The following ANGPT1 variants were observed in gnomAD, a reference collection of about 807,000 sequenced individuals.
ANGPT1 encodes angiopoietin-1.
Under a neutral mutation model 62.2 loss-of-function variants are expected in ANGPT1, and 17 were observed. The ratio of observed to expected loss-of-function variants is 0.27; its 90% CI spans 0.19 to 0.41. The LOEUF is 0.41. Ranked by LOEUF, ANGPT1 falls within the 10% of genes least tolerant of loss-of-function variation. ANGPT1 has a pLI of 1.00. For missense variants in ANGPT1, 478 were observed against 594.9 expected (o/e 0.80, Z 2.04); for synonymous variants, 199 against 198.9 (o/e 1.00, Z 0.00).
chr8:107,326,041 A>C (rs945558585), intron 3 of ANGPT1, among the ~76,000 whole-genome samples: 2 of 152,198 alleles, frequency 1.3e-5, no homozygotes, highest in African/African-American at 4.8e-5. Flanking sequence ...AACGCACATT[A>C]GCACGTTAGA....
intron 8 of ANGPT1, among the ~76,000 whole-genome samples, chr8:107,262,746 G>A (rs182326201): frequency 2.6e-5 from 4 of 152,320 alleles, no homozygotes; most frequent in Admixed American, 6.5e-5. Context: ...CACTAAAACT[G>A]TGAGAGGAGA....
At position 107,369,449 on chromosome 8, in the gene ANGPT1, T is replaced by C. The variant is rs548470234; in HGVS notation, c.298-22352A>G. Among the ~76,000 whole-genome samples the C allele has an allele frequency of 2.6e-5, 4 of 152,338 alleles. No individual in the cohort carries two copies. In the South Asian group the frequency reaches 6.2e-4, roughly 24 times the overall value. On this transcript the variant is annotated intron_variant, in intron 1 of 8. Coordinates refer to ENST00000517746, the MANE Select transcript of ANGPT1 (RefSeq NM_001146.5). Reference sequence around the variant, plus strand: ...ATTTTGTTTTCTTAACATTTGTGTATTCACTGGAATAGTATTTTAATTTCC... The same window carrying C: ...ATTTTGTTTTCTTAACATTTGTGTACTCACTGGAATAGTATTTTAATTTCC...
chr8:107,412,546 C>T (rs1436220646), intron 1 of ANGPT1, among the ~76,000 whole-genome samples: 1 of 151,882 alleles, frequency 6.6e-6, no homozygotes, highest in Non-Finnish European at 1.5e-5. Flanking sequence ...TGTATACATT[C>T]AAAAGAAATT....
At chr8:107,395,170 A>G (rs1816911461) in intron 1 of ANGPT1, among the ~76,000 whole-genome samples, 1 of 152,144 alleles carries the variant, frequency 6.6e-6, no homozygotes, top group Non-Finnish European at 1.5e-5. Context: ...CCATGTCTTC[A>G]TTGAGTACTT....
chr8:107,443,530 C>T (rs940754387), intron 1 of ANGPT1, among the ~76,000 whole-genome samples: 1 of 151,718 alleles, frequency 6.6e-6, no homozygotes, highest in Non-Finnish European at 1.5e-5. Flanking sequence ...GTATACCGGC[C>T]GGGTGCGGTG....
chr8:107,491,903 A>G (rs1812967928), intron 1 of ANGPT1, among the ~76,000 whole-genome samples: 2 of 152,194 alleles, frequency 1.3e-5, no homozygotes, highest in South Asian at 4.1e-4. Flanking sequence ...TGGTACAGTC[A>G]GGGGTAAGGA....
At chr8:107,432,743 A>C (rs539852842) in intron 1 of ANGPT1, among the ~76,000 whole-genome samples, 1 of 152,160 alleles carries the variant, frequency 6.6e-6, no homozygotes, top group South Asian at 2.1e-4. Context: ...AATGTATTAG[A>C]TATCTGATAA....
intron 1 of ANGPT1, among the ~76,000 whole-genome samples, chr8:107,474,204 C>T (rs1470005873): frequency 1.1e-5 from 1 of 88,224 alleles, no homozygotes; most frequent in South Asian, 3.1e-4. Context: ...TACTGGCAAA[C>T]CGAATCCAGC....
chr8:107,357,191 C>A (rs926579694), intron 1 of ANGPT1, among the ~76,000 whole-genome samples: 1 of 152,132 alleles, frequency 6.6e-6, no homozygotes, highest in Non-Finnish European at 1.5e-5. Flanking sequence ...TCAGAAAATG[C>A]CCATTAATCT....
chr8:107,282,368 C>T (rs1485630575), intron 7 of ANGPT1, among the ~76,000 whole-genome samples: 1 of 150,994 alleles, frequency 6.6e-6, no homozygotes. Flanking sequence ...TTAGACATCC[C>T]TTATTTAAGT....
At chr8:107,429,273 C>T (rs546343340) in intron 1 of ANGPT1, among the ~76,000 whole-genome samples, 1 of 152,262 alleles carries the variant, frequency 6.6e-6, no homozygotes, top group African/African-American at 2.4e-5. Context: ...GTGAGGCACT[C>T]ATAAGATGAG....
intron 1 of ANGPT1, among the ~76,000 whole-genome samples, chr8:107,443,795 G>A (rs1474007611): frequency 6.8e-6 from 1 of 147,692 alleles, no homozygotes; most frequent in East Asian, 2.0e-4. Context: ...CTCCAGCCTG[G>A]GCAACAAGAG....
intron 1 of ANGPT1, among the ~76,000 whole-genome samples, chr8:107,388,689 TC>T (rs1415317683): frequency 3.9e-5 from 6 of 152,106 alleles, no homozygotes; most frequent in Non-Finnish European, 8.8e-5. Flanking sequence ...CACCCGTGAA[TC>T]TGTAAAGAGA....
At position 107,346,899 on chromosome 8, in the gene ANGPT1, A is replaced by T. The variant is rs372578603; in HGVS notation, c.453+43T>A. 8.2e-5 allele frequency: 126 copies of T among 1,534,340 alleles called. 1 individual carries two copies. In the African/African-American group the frequency reaches 9.9e-4, roughly 12 times the overall value. ...ATGGAGAAAGCTAAAGAAAAAAAAA[A>T]TTTTTCCTTGTTGAGTCTGTGGACT... is the stretch of plus-strand genomic sequence containing the variant. On this transcript the variant is annotated intron_variant, in intron 2 of 8. Transcript: ENST00000517746.
At chr8:107,311,983 GAA>G in intron 4 of ANGPT1, among the ~76,000 whole-genome samples, 1 of 149,994 alleles carries the variant, frequency 6.7e-6, no homozygotes, top group East Asian at 2.0e-4. Context: ...AGAATGGAGT[GAA>G]CCTGGGAGGC....
At position 107,370,407 on chromosome 8, in the gene ANGPT1, A is replaced by AG. The variant is rs140778101; in HGVS notation, c.298-23311dup. Among the ~76,000 whole-genome samples, 98 of 71,936 alleles carry AG rather than the reference A, an allele frequency of 1.4e-3. 22 individuals carry two copies. The highest frequency in any genetic ancestry group is 3.7e-3 in the African/African-American group (78 of 21,032). The allele number at this position is 71,936 out of a possible 152,430, so 47.2% of individuals were successfully genotyped here. A position where few individuals can be genotyped will look rare whatever the true frequency, so the allele number is the denominator to read the frequency against. ...AAGAAAGAAAGAAAGAAAGAAAGAA[A>AG]GAGTCAGGGTCAGTGGCTCAGGCCT... is the stretch of plus-strand genomic sequence containing the variant. On this transcript the variant is annotated intron_variant, in intron 1 of 8. Coordinates refer to ENST00000517746, the MANE Select transcript of ANGPT1 (RefSeq NM_001146.5).
rs568758708 is a variant in ANGPT1, at chr8:107,404,220, G to A, written c.298-57123C>T. Among the ~76,000 whole-genome samples the A allele has an allele frequency of 1.1e-4, 17 of 152,152 alleles. 1 individual carries two copies. In the South Asian group the frequency reaches 3.1e-3, roughly 28 times the overall value. The stretch of plus-strand genomic sequence containing the variant: ...ATTTTAGTGTTTGGTTAAAACAAAT[G>A]GCTAACAGTTTTCTTGAGTCACTGA... On this transcript the variant is annotated intron_variant, in intron 1 of 8. Coordinates refer to ENST00000517746, the MANE Select transcript of ANGPT1 (RefSeq NM_001146.5).
chr8:107,491,467 T>C (rs1252654056), intron 1 of ANGPT1, among the ~76,000 whole-genome samples: 1 of 152,118 alleles, frequency 6.6e-6, no homozygotes, highest in South Asian at 2.1e-4. Flanking sequence ...GAAAGTCTCT[T>C]AGTAAAGTGG....
intron 1 of ANGPT1, among the ~76,000 whole-genome samples, chr8:107,440,954 G>T (rs903401721): frequency 1.3e-5 from 2 of 152,112 alleles, no homozygotes; most frequent in South Asian, 4.1e-4. Flanking sequence ...TATGTACTTG[G>T]ATAAAACCAA....
Sources: allele counts gnomAD v4.1 joint callset (sites outside exome capture counted in the v4.1 genomes callset), GRCh38; gene constraint gnomAD v4.1.1; transcripts MANE v1.5; gene names NCBI Gene and HGNC (gene_info 2026-07-23, HGNC 2026-07-21).